The following CCSER1 variants were observed in gnomAD, a reference collection of about 807,000 sequenced individuals.
The protein encoded by CCSER1 is serine-rich coiled-coil domain-containing protein 1.
In CCSER1, 41 loss-of-function variants were observed where a neutral mutation model predicts 82.0. That is an observed-to-expected ratio of 0.50 (90% CI 0.39 to 0.65). CCSER1 has a LOEUF of 0.65. Among genes scored for constraint, CCSER1 ranks in the 30% least tolerant of loss-of-function variants. The probability of loss-of-function intolerance (pLI) is 0.00; values close to 1 mark genes in which losing one functional copy is unlikely to be tolerated. For synonymous variants in CCSER1, 414 were observed against 383.9 expected, an observed-to-expected ratio of 1.08 and a Z score of -0.92; for missense variants, 1,119 against 1,064.2, an observed-to-expected ratio of 1.05 and a Z score of -0.72.
In CCSER1 at chr4:91,557,630, G is replaced by A. The variant is rs563495933; in HGVS notation, c.2218-40942G>A. On this transcript the variant is annotated intron_variant, in intron 10 of 10. Coordinates refer to ENST00000509176, the MANE Select transcript of CCSER1 (RefSeq NM_001145065.2). ...TATTAGAGAAACTTACTGAAGAAGA[G>A]ATAATTGAGCTATGTTTTAAAGGTT... 2.6e-5 allele frequency among the ~76,000 whole-genome samples: 4 copies of A among 151,564 alleles called. 1 individual carries two copies. The highest frequency in any genetic ancestry group is 9.6e-5 in the African/African-American group (4 of 41,482).
chr4:90,190,371 G>C (rs760601417), intron 1 of CCSER1, among the ~76,000 whole-genome samples: 9 of 152,100 alleles, frequency 5.9e-5, no homozygotes, highest in Admixed American at 1.3e-4. Context: ...CAACACAGTA[G>C]TTGTTTCTTG....
chr4:90,897,234 A>AAT (rs1446725786), intron 8 of CCSER1, among the ~76,000 whole-genome samples: 1 of 151,928 alleles, frequency 6.6e-6, no homozygotes, highest in Non-Finnish European at 1.5e-5. Context: ...CCATCACCCA[A>AAT]ATAGTGAAGA....
chr4:90,817,841 C>A (rs139529317), intron 8 of CCSER1, among the ~76,000 whole-genome samples: 1 of 152,178 alleles, frequency 6.6e-6, no homozygotes, highest in South Asian at 2.1e-4. Context: ...AAATTTTGGT[C>A]CTCCTATTTC....
intron 10 of CCSER1, among the ~76,000 whole-genome samples, chr4:91,452,293 T>C (rs576753913): frequency 6.6e-5 from 10 of 152,138 alleles, no homozygotes; most frequent in African/African-American, 2.2e-4. Context: ...TTTGAACTTG[T>C]AACTCAAGCC....
At chr4:90,719,953 G>A (rs867117993) in intron 6 of CCSER1, among the ~76,000 whole-genome samples, 1 of 152,068 alleles carries the variant, frequency 6.6e-6, no homozygotes, top group East Asian at 1.9e-4. Flanking sequence ...GATTTGTCTC[G>A]TCTATTTATT....
intron 10 of CCSER1, among the ~76,000 whole-genome samples, chr4:91,254,537 G>A (rs1193894436): frequency 1.3e-5 from 2 of 152,052 alleles, no homozygotes; most frequent in Non-Finnish European, 2.9e-5. Flanking sequence ...GTAAGAGACT[G>A]AATGAAAAGG....
At chr4:90,731,139 G>C (rs1682280816) in intron 7 of CCSER1, among the ~76,000 whole-genome samples, 1 of 152,102 alleles carries the variant, frequency 6.6e-6, no homozygotes, top group African/African-American at 2.4e-5. Context: ...AGTACATTTT[G>C]AATGTGGGGT....
intron 10 of CCSER1, among the ~76,000 whole-genome samples, chr4:91,511,658 C>G (rs1759832011): frequency 6.6e-6 from 1 of 152,062 alleles, no homozygotes; most frequent in Non-Finnish European, 1.5e-5. Flanking sequence ...AACATGAACC[C>G]TGTTGTGAAC....
At chr4:90,292,272 C>T (rs1439433472) in intron 1 of CCSER1, among the ~76,000 whole-genome samples, 1 of 151,668 alleles carries the variant, frequency 6.6e-6, no homozygotes, top group Non-Finnish European at 1.5e-5. Flanking sequence ...TTGTTGTTAA[C>T]TTTGAACTAG....
chr4:90,544,127 A>C (rs1776456890), intron 5 of CCSER1, among the ~76,000 whole-genome samples: 2 of 152,148 alleles, frequency 1.3e-5, no homozygotes, highest in South Asian at 4.1e-4. Flanking sequence ...GGTATACTAC[A>C]GAAGAACCGT....
At chr4:90,791,307 T>G (rs954090331) in intron 7 of CCSER1, among the ~76,000 whole-genome samples, 3 of 152,118 alleles carry the variant, frequency 2.0e-5, no homozygotes, top group African/African-American at 7.2e-5. Flanking sequence ...ACCACAGCAG[T>G]GGGTAAAATG....
At chr4:91,189,758 A>C (rs1389217799) in intron 10 of CCSER1, among the ~76,000 whole-genome samples, 1 of 152,162 alleles carries the variant, frequency 6.6e-6, no homozygotes, top group Non-Finnish European at 1.5e-5. Flanking sequence ...ATATAACCTT[A>C]CCATTTATAG....
chr4:91,466,136 G>A (rs1049150283), intron 10 of CCSER1, among the ~76,000 whole-genome samples: 1 of 152,098 alleles, frequency 6.6e-6, no homozygotes, highest in African/African-American at 2.4e-5. Context: ...CAGGGAGCAC[G>A]TCAAAAAGCT....
intron 3 of CCSER1, among the ~76,000 whole-genome samples, chr4:90,339,534 C>T (rs928662270): frequency 6.6e-6 from 1 of 152,164 alleles, no homozygotes; most frequent in Admixed American, 6.5e-5. Context: ...ATTTTACCTT[C>T]CTTTCGCTCC....
chr4:90,911,546 G>A (rs1383506420), intron 8 of CCSER1, among the ~76,000 whole-genome samples: 1 of 152,176 alleles, frequency 6.6e-6, no homozygotes, highest in Non-Finnish European at 1.5e-5. Context: ...ACAGCTCCCA[G>A]TGTGAGCGAT....
At chr4:90,809,990 C>G (rs957906892) in intron 7 of CCSER1, among the ~76,000 whole-genome samples, 14 of 152,176 alleles carry the variant, frequency 9.2e-5, no homozygotes, top group Non-Finnish European at 1.6e-4. Context: ...TATGTTTTCT[C>G]TAATCCTTTA....
At chr4:90,653,448 AT>A (rs199768497) in intron 6 of CCSER1, among the ~76,000 whole-genome samples, 1 of 152,110 alleles carries the variant, frequency 6.6e-6, no homozygotes, top group African/African-American at 2.4e-5. Flanking sequence ...TGAAAAAAAA[AT>A]TTTAATGAAA....
chr4:90,169,655 G>T (rs909318646), intron 1 of CCSER1, among the ~76,000 whole-genome samples: 8 of 152,020 alleles, frequency 5.3e-5, no homozygotes, highest in Non-Finnish European at 2.9e-5. Context: ...TTACTGAAAT[G>T]CATTCATTTT....
At chr4:91,388,403 A>G (rs920787681) in intron 10 of CCSER1, among the ~76,000 whole-genome samples, 2 of 152,106 alleles carry the variant, frequency 1.3e-5, no homozygotes, top group Non-Finnish European at 1.5e-5. Flanking sequence ...GTGATTTTCA[A>G]TTCATTTGGG....
Sources: gnomAD v4.1 joint callset for allele counts (sites outside exome capture counted in the v4.1 genomes callset) on GRCh38, gnomAD v4.1.1 for gene constraint, MANE v1.5 for transcripts, NCBI Gene and HGNC (gene_info 2026-07-23, HGNC 2026-07-21) for gene names.